The following EDIL3 variants were observed in gnomAD, a reference collection of about 807,000 sequenced individuals.
The protein encoded by EDIL3 is EGF like and discoidin domains 3.
A neutral mutation model predicts 67.4 loss-of-function variants in EDIL3; 37 were observed. That is an observed-to-expected ratio of 0.55 (90% CI 0.42 to 0.72). EDIL3 has a LOEUF of 0.72. Ranked by LOEUF, EDIL3 falls within the 30% of genes least tolerant of loss-of-function variation. The pLI, the probability that EDIL3 is intolerant of heterozygous loss-of-function variation, is 0.00. For missense variants in EDIL3, 527 were observed against 586.3 expected, an observed-to-expected ratio of 0.90 and a Z score of 1.04; for synonymous variants, 195 against 196.3, an observed-to-expected ratio of 0.99 and a Z score of 0.05.
intron 1 of EDIL3, among the ~76,000 whole-genome samples, chr5:84,258,970 C>CTTTT (rs144344642): frequency 6.4e-5 from 5 of 77,922 alleles, no homozygotes; most frequent in Non-Finnish European, 6.9e-5. Context: ...TTCGTAGAGT[C>CTTTT]TTTTTTTTTT....
intron 2 of EDIL3, among the ~76,000 whole-genome samples, chr5:84,252,425 C>T (rs1289055256): frequency 7.3e-6 from 1 of 136,590 alleles, no homozygotes. Context: ...ACCCGGGGTG[C>T]GGAGCTTGCA....
intron 9 of EDIL3, among the ~76,000 whole-genome samples, chr5:83,978,167 T>C (rs1227007390): frequency 1.3e-5 from 2 of 151,970 alleles, no homozygotes; most frequent in South Asian, 2.1e-4. Context: ...GGTTAGTTGA[T>C]ACAAGATTGT....
At chr5:83,963,117 A>G in intron 10 of EDIL3, 88 bp downstream of exon 10, 1 of 1,421,996 alleles carries the variant, frequency 7.0e-7, no homozygotes, top group Non-Finnish European at 9.4e-7. Flanking sequence ...TATTTTCAGT[A>G]CAGATGTATA....
At chr5:83,984,184 C>T (rs1299047952) in intron 9 of EDIL3, among the ~76,000 whole-genome samples, 2 of 151,796 alleles carry the variant, frequency 1.3e-5, no homozygotes, top group African/African-American at 4.8e-5. Context: ...AGAGATGCTA[C>T]GGAAAGTTGC....
chr5:84,358,673 G>A (rs1358856737), intron 1 of EDIL3, among the ~76,000 whole-genome samples: 1 of 131,084 alleles, frequency 7.6e-6, no homozygotes, highest in Non-Finnish European at 1.5e-5. Flanking sequence ...GCACAATCTC[G>A]GCTCACTGCA....
intron 5 of EDIL3, among the ~76,000 whole-genome samples, chr5:84,133,509 G>A (rs896064274): frequency 6.7e-6 from 1 of 149,684 alleles, no homozygotes; most frequent in Non-Finnish European, 1.5e-5. Context: ...GGTGGTGCGT[G>A]CCTGTAGTGC....
chr5:84,375,937 C>T (rs1043329326), intron 1 of EDIL3, among the ~76,000 whole-genome samples: 6 of 152,074 alleles, frequency 3.9e-5, no homozygotes, highest in African/African-American at 1.4e-4. Context: ...ATAATTTAAT[C>T]CTTCTAAAAT....
At chr5:83,990,066 A>T (rs1745123548) in intron 9 of EDIL3, among the ~76,000 whole-genome samples, 1 of 152,220 alleles carries the variant, frequency 6.6e-6, no homozygotes, top group Non-Finnish European at 1.5e-5. Context: ...CCAGTCAACA[A>T]CTTAATTGCA....
At chr5:84,045,650 C>T (rs1746207650) in intron 9 of EDIL3, among the ~76,000 whole-genome samples, 1 of 152,082 alleles carries the variant, frequency 6.6e-6, no homozygotes, top group Non-Finnish European at 1.5e-5. Context: ...AAGATCAATA[C>T]AGAAAAGGCT....
In EDIL3 at chr5:84,258,301, G is replaced by A. The variant is rs558827252; in HGVS notation, c.68-4089C>T. Among the ~76,000 whole-genome samples the A allele has an allele frequency of 5.1e-4, 77 of 152,284 alleles. 1 individual carries two copies. The highest frequency in any genetic ancestry group is 9.4e-4 in the Non-Finnish European group (64 of 68,016). On this transcript the variant is annotated intron_variant, in intron 1 of 10. Coordinates refer to ENST00000296591, the MANE Select transcript of EDIL3 (RefSeq NM_005711.5). Reference sequence around the variant, plus strand: ...ATGAGCAGGAAAAGCTTCAACTTGCGATATAGGTATGACACCAATAAAAAT... The same window carrying A: ...ATGAGCAGGAAAAGCTTCAACTTGCAATATAGGTATGACACCAATAAAAAT...
intron 9 of EDIL3, among the ~76,000 whole-genome samples, chr5:84,043,927 C>T (rs1164028385): frequency 6.6e-6 from 1 of 152,068 alleles, no homozygotes; most frequent in Non-Finnish European, 1.5e-5. Context: ...TTCTGGGATA[C>T]ATGTGCAGAA....
chr5:84,180,619 T>A (rs1449713822), intron 3 of EDIL3, 98 bp from the exon 4 acceptor site: 1 of 1,319,578 alleles, frequency 7.6e-7, no homozygotes, highest in Non-Finnish European at 1.0e-6. Flanking sequence ...AAAAAAGTGT[T>A]CTAGATATTA....
chr5:83,946,737 C>T (rs1209087583), intron 10 of EDIL3, among the ~76,000 whole-genome samples: 1 of 151,826 alleles, frequency 6.6e-6, no homozygotes, highest in East Asian at 1.9e-4. Flanking sequence ...ACATTATCCT[C>T]CACGATGTAG....
intron 1 of EDIL3, among the ~76,000 whole-genome samples, chr5:84,340,325 A>G (rs2112176113): frequency 6.6e-6 from 1 of 151,932 alleles, no homozygotes; most frequent in Non-Finnish European, 1.5e-5. Flanking sequence ...TACCTTGAAA[A>G]GTTATTTAAC....
intron 1 of EDIL3, among the ~76,000 whole-genome samples, chr5:84,304,460 A>C (rs1428688308): frequency 6.6e-6 from 1 of 152,216 alleles, no homozygotes. Context: ...GGTGAATGTC[A>C]GCTTGCATTT....
At chr5:83,956,611 A>G (rs1328745697) in intron 10 of EDIL3, among the ~76,000 whole-genome samples, 1 of 151,692 alleles carries the variant, frequency 6.6e-6, no homozygotes, top group East Asian at 2.0e-4. Flanking sequence ...TTCCTGATAC[A>G]TTTCATTCTT....
At chr5:83,988,690 G>A (rs549500223) in intron 9 of EDIL3, among the ~76,000 whole-genome samples, 1 of 152,128 alleles carries the variant, frequency 6.6e-6, no homozygotes. Context: ...TCAAATGAGA[G>A]CGGTATGAAA....
intron 6 of EDIL3, among the ~76,000 whole-genome samples, chr5:84,083,489 T>C (rs1222564771): frequency 6.6e-6 from 1 of 152,150 alleles, no homozygotes; most frequent in Non-Finnish European, 1.5e-5. Context: ...CTAAGCAAAG[T>C]TTTGTGATCT....
At chr5:84,336,363 T>C (rs1226029363) in intron 1 of EDIL3, among the ~76,000 whole-genome samples, 2 of 152,168 alleles carry the variant, frequency 1.3e-5, no homozygotes. Flanking sequence ...TTAGGTTACT[T>C]CTTGTGAGTT....
Sources: allele counts gnomAD v4.1 joint callset (sites outside exome capture counted in the v4.1 genomes callset), GRCh38; gene constraint gnomAD v4.1.1; transcripts MANE v1.5; gene names NCBI Gene and HGNC (gene_info 2026-07-23, HGNC 2026-07-21).